TANGO6: variants seen among roughly 807,000 people sequenced by gnomAD.
TANGO6 encodes the protein transport and golgi organization 6 homolog, also known as transport and Golgi organization protein 6 homolog.
Under a neutral mutation model 114.2 loss-of-function variants are expected in TANGO6, and 90 were observed. The observed-to-expected ratio is 0.79, with a 90% CI of 0.66 to 0.94. TANGO6 has a LOEUF of 0.94. Among genes scored for constraint, TANGO6 ranks in the 40% least tolerant of loss-of-function variants. The pLI is 0.00. For missense variants in TANGO6, 1,274 were observed against 1,315.3 expected, an observed-to-expected ratio of 0.97 and a Z score of 0.49; for synonymous variants, 477 against 509.8, an observed-to-expected ratio of 0.94 and a Z score of 0.87.
intron 16 of TANGO6, chr16:69,026,074 T>G (rs1226194175): frequency 1.3e-5 from 2 of 152,166 alleles, no homozygotes; most frequent in Non-Finnish European, 2.9e-5. Context: ...CGATCTCAGC[T>G]CACTGCAACC....
chr16:68,927,663 T>C lies in TANGO6; in HGVS notation c.2223T>C (p.Ala741=), dbSNP rs747038415. The change falls in exon 13 of 18, where the codon GCT becomes GCC. Residue 741 remains alanine (A), a synonymous_variant. Transcript: ENST00000261778. ...TYPDPVIQEL[A]VDLRITISTH... is the part of the protein sequence containing the mutation. ...CTGATCCGGTCATCCAAGAACTCGC[T>C]GTTGATCTCCGCATCACCATCTCTA... 6.2e-7 allele frequency: 1 copy of C among 1,614,018 alleles called. No homozygotes were observed. The highest frequency in any genetic ancestry group is 1.1e-5 in the South Asian group (1 of 91,088).
At chr16:68,907,274 T>C (rs1178322410) in intron 9 of TANGO6, among the ~76,000 whole-genome samples, 169 bp from the exon 10 acceptor site, 1 of 152,124 alleles carries the variant, frequency 6.6e-6, no homozygotes, top group East Asian at 1.9e-4. Context: ...TGATAATCAA[T>C]ACTTTTTTCA....
intron 14 of TANGO6, among the ~76,000 whole-genome samples, chr16:68,930,969 C>T (rs1232028457): frequency 1.3e-5 from 2 of 152,100 alleles, no homozygotes; most frequent in South Asian, 2.1e-4. Flanking sequence ...TTTGCTCTCT[C>T]GTTAAGCTAA....
chr16:69,034,488 C>A (rs1399907050), intron 16 of TANGO6: 5 of 153,948 alleles, frequency 3.2e-5, no homozygotes, highest in South Asian at 2.0e-4. Context: ...CCAGAGCCTC[C>A]ATGCAGAGGA....
At chr16:68,871,365 A>T (rs1962264609) in intron 4 of TANGO6, among the ~76,000 whole-genome samples, 1 of 151,662 alleles carries the variant, frequency 6.6e-6, no homozygotes, top group Non-Finnish European at 1.5e-5. Flanking sequence ...TTTGATTATG[A>T]TGTACCTTGG....
intron 15 of TANGO6, among the ~76,000 whole-genome samples, chr16:68,983,981 C>G (rs1271993297): frequency 1.3e-5 from 2 of 150,238 alleles, no homozygotes; most frequent in African/African-American, 2.5e-5. Flanking sequence ...TGCAGTGAGC[C>G]GAGATCACGC....
At chr16:68,940,246 C>T (rs1173041494) in intron 14 of TANGO6, among the ~76,000 whole-genome samples, 1 of 149,948 alleles carries the variant, frequency 6.7e-6, no homozygotes, top group Non-Finnish European at 1.5e-5. Flanking sequence ...TTGACAGGGT[C>T]TCACTGTGTC....
At position 68,880,638 on chromosome 16, in the gene TANGO6, A is replaced by G. The variant is rs571472591; in HGVS notation, c.1377+8A>G. ...ATTGAGGATGTGTTTAAGGTTGGTAATCTGAGTCACTAATGTTTTTATTTA... is the reference window on the plus strand; with the variant it reads ...ATTGAGGATGTGTTTAAGGTTGGTAGTCTGAGTCACTAATGTTTTTATTTA... On this transcript the variant is annotated splice_region_variant and intron_variant, in intron 7 of 17. Transcript: ENST00000261778. 45 of 1,557,188 alleles carry G rather than the reference A, an allele frequency of 2.9e-5. No homozygotes were observed. The South Asian group carries it at 4.5e-4, about 16-fold the overall frequency.
Position 69,081,491 on chromosome 16 carries a change from G to A in TANGO6, c.3109-1994G>A, listed in dbSNP as rs532948491. Among the ~76,000 whole-genome samples, 13 of 150,536 alleles carry A rather than the reference G, an allele frequency of 8.6e-5. No homozygotes were observed. The South Asian group carries it at 1.3e-3, about 15-fold the overall frequency. Reference sequence around the variant, plus strand: ...CCCCAGCAGCTGGGATTACAGGTGCGTGCCACCACACCTGCTAATTTTTAT... The same window carrying A: ...CCCCAGCAGCTGGGATTACAGGTGCATGCCACCACACCTGCTAATTTTTAT... On this transcript the variant is annotated intron_variant, in intron 17 of 17. Coordinates refer to ENST00000261778, the MANE Select transcript of TANGO6 (RefSeq NM_024562.2).
At chr16:68,877,933 A>C (rs528679610) in intron 5 of TANGO6, among the ~76,000 whole-genome samples, 185 bp from the exon 6 acceptor site, 2 of 152,356 alleles carry the variant, frequency 1.3e-5, no homozygotes, top group African/African-American at 4.8e-5. Context: ...TTAAAAATAA[A>C]AACACTGCCT....
intron 15 of TANGO6, among the ~76,000 whole-genome samples, chr16:68,988,063 C>A (rs1043262735): frequency 8.5e-5 from 13 of 152,192 alleles, no homozygotes; most frequent in African/African-American, 2.9e-4. Context: ...CTTGACCCCA[C>A]ATCTCCTTCT....
At chr16:68,862,360 C>T (rs956888123) in intron 2 of TANGO6, among the ~76,000 whole-genome samples, 5 of 152,166 alleles carry the variant, frequency 3.3e-5, no homozygotes, top group African/African-American at 1.2e-4. Flanking sequence ...CCACGCCTGA[C>T]TAATTTTTGT....
chr16:69,076,696 T>C (rs754234568), intron 17 of TANGO6, among the ~76,000 whole-genome samples: 12 of 152,296 alleles, frequency 7.9e-5, no homozygotes, highest in Middle Eastern at 3.4e-3. Flanking sequence ...GTAACAGCCA[T>C]GCCTGCCTTG....
chr16:68,909,045 T>C (rs2152185907), intron 10 of TANGO6, among the ~76,000 whole-genome samples, 166 bp from the exon 11 acceptor site: 1 of 152,352 alleles, frequency 6.6e-6, no homozygotes, highest in South Asian at 2.1e-4. Flanking sequence ...TTCTTATTGC[T>C]GGACATTTAG....
chr16:68,878,389 C>T (rs1387745688), intron 6 of TANGO6, 109 bp downstream of exon 6: 3 of 1,296,106 alleles, frequency 2.3e-6, no homozygotes, highest in Non-Finnish European at 3.0e-6. Flanking sequence ...GTTTTCCTTC[C>T]CCTCCCCCCA....
intron 14 of TANGO6, among the ~76,000 whole-genome samples, chr16:68,943,798 T>C (rs1963384266): frequency 6.6e-6 from 1 of 152,232 alleles, no homozygotes. Context: ...TTTTTTGCTT[T>C]TAAGAAACAG....
At chr16:68,954,264 A>G (rs1417854338) in intron 14 of TANGO6, among the ~76,000 whole-genome samples, 1 of 151,622 alleles carries the variant, frequency 6.6e-6, no homozygotes, top group East Asian at 1.9e-4. Context: ...AAAAAAAAAA[A>G]AAAAGGAAGG....
chr16:68,864,189 T>C (rs1028905746), intron 3 of TANGO6, among the ~76,000 whole-genome samples: 6 of 147,592 alleles, frequency 4.1e-5, no homozygotes, highest in African/African-American at 1.5e-4. Context: ...AAAAAAAAAG[T>C]TTATCTGAAA....
rs1385749682 is a variant in TANGO6 at position 69,083,601 on chromosome 16, C to A, written c.3225C>A (p.Ile1075=). 1.3e-6 allele frequency: 2 copies of A among 1,591,716 alleles called. No individual in the cohort carries two copies. Among genetic ancestry groups the A allele is most frequent in the Admixed American group, 1.8e-5 (1 of 56,110 alleles). The part of the protein sequence containing the change: ...AQLALEELDD[I]MKNFLFPPQK... ...TGGCCCTAGAAGAGCTGGATGACAT[C>A]ATGAAAAACTTCCTGTTCCCTCCAC... Residue 1075 remains isoleucine (I), a synonymous_variant, in exon 18 of 18, where the codon ATC becomes ATA. Coordinates refer to ENST00000261778, the MANE Select transcript of TANGO6 (RefSeq NM_024562.2).
Sources: allele counts gnomAD v4.1 joint callset (sites outside exome capture counted in the v4.1 genomes callset), GRCh38; gene constraint gnomAD v4.1.1; transcripts MANE v1.5; gene names NCBI Gene and HGNC (gene_info 2026-07-23, HGNC 2026-07-21).